Variants in ARHGAP8 observed in about 807,000 individuals in gnomAD.
ARHGAP8 encodes the protein Rho GTPase activating protein 8, also known as rho GTPase-activating protein 8.
Under a neutral mutation model 46.1 loss-of-function variants are expected in ARHGAP8, and 62 were observed. The ratio of observed to expected loss-of-function variants is 1.34; its 90% CI spans 1.10 to 1.66. ARHGAP8 has a LOEUF of 1.66. Ranked by LOEUF, ARHGAP8 falls within the 40% of genes most tolerant of loss-of-function variation. The probability of loss-of-function intolerance (pLI) is 0.00; values close to 1 mark genes in which losing one functional copy is unlikely to be tolerated. For synonymous variants in ARHGAP8, 375 were observed against 243.1 expected (o/e 1.54, Z -5.05); for missense variants, 923 against 568.4 (o/e 1.62, Z -6.34).
intron 1 of ARHGAP8, among the ~76,000 whole-genome samples, chr22:44,759,134 C>G (rs1161682025): frequency 6.6e-6 from 1 of 152,188 alleles, no homozygotes; most frequent in Middle Eastern, 3.2e-3. Context: ...GGCCTTGGAT[C>G]CCGGGGTCTG....
Position 44,848,022 on chromosome 22 carries a change from C to G in ARHGAP8, c.720C>G (p.Val240=). The G allele has an allele frequency of 6.2e-7, 1 of 1,607,830 alleles. No homozygotes were observed. Among genetic ancestry groups the G allele is most frequent in the Non-Finnish European group, 8.5e-7 (1 of 1,179,962 alleles). Residue 240 remains valine (V), a synonymous_variant, in exon 9 of 12, where the codon GTC becomes GTG. Coordinates refer to ENST00000356099, the MANE Select transcript of ARHGAP8 (RefSeq NM_181335.3). The part of the protein sequence containing the change: ...LFRRSASVQT[V]REIQRLYNQG... ...GGAGATCCGCCAGCGTGCAGACCGT[C>G]CGCGAGATCCAGAGGCTCTACAACC... is the stretch of plus-strand genomic sequence containing the variant.
At chr22:44,862,204 T>G (rs1240272478) in intron 11 of ARHGAP8, 71 bp from the exon 12 acceptor site, 7 of 1,524,576 alleles carry the variant, frequency 4.6e-6, no homozygotes, top group African/African-American at 1.4e-5. Context: ...CTCCCTAAGT[T>G]CGGGAGGGAG....
chr22:44,844,628 A>G (rs914651330), intron 7 of ARHGAP8, among the ~76,000 whole-genome samples: 1 of 151,902 alleles, frequency 6.6e-6, no homozygotes, highest in Non-Finnish European at 1.5e-5. Flanking sequence ...ACATCCAGCT[A>G]ATTTTTGTAT....
chr22:44,862,599 TG>T lies in ARHGAP8; in HGVS notation c.*5del, dbSNP rs2070555343. 1 of 1,559,960 alleles carries T rather than the reference TG, an allele frequency of 6.4e-7. No individual in the cohort carries two copies. Among genetic ancestry groups the T allele is most frequent in the Non-Finnish European group, 8.7e-7 (1 of 1,149,924 alleles). On this transcript the variant is annotated 3_prime_UTR_variant, in exon 12 of 12. Coordinates refer to ENST00000356099, the MANE Select transcript of ARHGAP8 (RefSeq NM_181335.3). Reference sequence around the variant, plus strand: ...GGCAGCCAGAAGACGTCTCTAGTGTTGCGAACACTCTGTATATTTCGAGCTA... The same window carrying T: ...GGCAGCCAGAAGACGTCTCTAGTGTTCGAACACTCTGTATATTTCGAGCTA...
At chr22:44,860,044 A>G (rs996440119) in intron 11 of ARHGAP8, among the ~76,000 whole-genome samples, 1 of 152,024 alleles carries the variant, frequency 6.6e-6, no homozygotes, top group African/African-American at 2.4e-5. Context: ...GACAGGGCGT[A>G]CCTGCCCCTG....
intron 7 of ARHGAP8, among the ~76,000 whole-genome samples, chr22:44,842,375 A>G (rs1465883254): frequency 6.6e-6 from 1 of 151,982 alleles, no homozygotes; most frequent in South Asian, 2.1e-4. Flanking sequence ...CAAACAAACA[A>G]ACAAAAACAG....
intron 2 of ARHGAP8, among the ~76,000 whole-genome samples, chr22:44,793,516 A>G (rs534662867): frequency 1.2e-4 from 19 of 152,268 alleles, no homozygotes; most frequent in African/African-American, 4.6e-4. Flanking sequence ...TTTTGCAAAA[A>G]TGGTTGGCAA....
intron 10 of ARHGAP8, among the ~76,000 whole-genome samples, chr22:44,857,044 G>A (rs1462756801): frequency 7.0e-6 from 1 of 141,984 alleles, no homozygotes; most frequent in African/African-American, 2.9e-5. Flanking sequence ...GGGTTCAAAT[G>A]ACTCTGTTGC....
chr22:44,766,782 C>T (rs1317044921), intron 1 of ARHGAP8, among the ~76,000 whole-genome samples: 1 of 152,084 alleles, frequency 6.6e-6, no homozygotes, highest in African/African-American at 2.4e-5. Flanking sequence ...AGTAGTGGGG[C>T]AGGGTTCTTG....
Position 44,808,381 on chromosome 22 carries a change from G to T in ARHGAP8, c.242G>T (p.Ser81Ile), listed in dbSNP as rs757251755. Residue 81 changes from serine to isoleucine, a missense_variant, in exon 4 of 12, where the codon AGC becomes ATC. Physicochemically the swap from Ser to Ile is moderately radical, Grantham distance 142. Transcript: ENST00000356099. ...TIVYFHYGLN[S>I]RNKPSLGWLQ... ...GTCTATTTCCACTACGGGCTGAACA[G>T]CCGGAACAAGCCTTCCCTGGGCTGG... is the stretch of plus-strand genomic sequence containing the variant. 4.3e-6 allele frequency: 7 copies of T among 1,614,134 alleles called. No individual in the cohort carries two copies. The highest frequency in any genetic ancestry group is 5.9e-6 in the Non-Finnish European group (7 of 1,180,060).
At chr22:44,798,486 C>T (rs1275158099) in intron 2 of ARHGAP8, among the ~76,000 whole-genome samples, 1 of 151,760 alleles carries the variant, frequency 6.6e-6, no homozygotes, top group Non-Finnish European at 1.5e-5. Context: ...TCTGCAGTGA[C>T]CCTGTTTCCA....
intron 1 of ARHGAP8, among the ~76,000 whole-genome samples, chr22:44,768,840 C>CT (rs780509950): frequency 0.15 from 20,220 of 137,508 alleles, 1,807 homozygotes; most frequent in Non-Finnish European, 0.21. Flanking sequence ...GTGTGTTTTT[C>CT]TTTTTTTTTT....
At chr22:44,826,494 A>G (rs1276247536) in intron 7 of ARHGAP8, among the ~76,000 whole-genome samples, 9 of 152,058 alleles carry the variant, frequency 5.9e-5, no homozygotes, top group African/African-American at 2.2e-4. Flanking sequence ...GCACCATCTC[A>G]GCTCACTGCA....
At chr22:44,771,538 TG>T (rs1926001667) in intron 1 of ARHGAP8, among the ~76,000 whole-genome samples, 1 of 140,826 alleles carries the variant, frequency 7.1e-6, no homozygotes, top group Non-Finnish European at 1.5e-5. Flanking sequence ...TGAGCCACCC[TG>T]CCTGGCTTTT....
intron 11 of ARHGAP8, among the ~76,000 whole-genome samples, chr22:44,861,565 T>TCTGCC (rs2070486737): frequency 1.3e-5 from 2 of 152,158 alleles, no homozygotes; most frequent in African/African-American, 2.4e-5. Flanking sequence ...AGTTCTCTGC[T>TCTGCC]CTGCCCTGGT....
intron 2 of ARHGAP8, among the ~76,000 whole-genome samples, chr22:44,798,871 T>C (rs1928286219): frequency 6.6e-6 from 1 of 151,762 alleles, no homozygotes; most frequent in African/African-American, 2.4e-5. Flanking sequence ...GTTCAAGCAA[T>C]TTCCTGCCTC....
intron 10 of ARHGAP8, among the ~76,000 whole-genome samples, chr22:44,859,436 G>C (rs537189356): frequency 3.3e-5 from 5 of 152,144 alleles, no homozygotes; most frequent in African/African-American, 9.7e-5. Context: ...GAAGCCTCCT[G>C]AGGCTTCTCC....
chr22:44,756,528 C>T (rs1009365948), intron 1 of ARHGAP8, among the ~76,000 whole-genome samples: 10 of 151,926 alleles, frequency 6.6e-5, no homozygotes, highest in Non-Finnish European at 1.0e-4. Flanking sequence ...CATCTCCCAG[C>T]GTCAACTATA....
At chr22:44,768,357 T>C (rs774322439) in intron 1 of ARHGAP8, among the ~76,000 whole-genome samples, 11 of 151,964 alleles carry the variant, frequency 7.2e-5, no homozygotes, top group Non-Finnish European at 1.3e-4. Context: ...TGAAGGGCAG[T>C]GGCGCAATCA....
Sources: allele counts gnomAD v4.1 joint callset (sites outside exome capture counted in the v4.1 genomes callset), GRCh38; gene constraint gnomAD v4.1.1; transcripts MANE v1.5; gene names NCBI Gene and HGNC (gene_info 2026-07-23, HGNC 2026-07-21).